DACH2: variants seen among roughly 807,000 people sequenced by gnomAD.
DACH2 encodes the protein dachshund family transcription factor 2, also known as dachshund homolog 2.
A neutral mutation model predicts 35.8 loss-of-function variants in DACH2; 17 were observed. The ratio of observed to expected loss-of-function variants is 0.48; its 90% CI spans 0.33 to 0.71. The LOEUF (loss-of-function observed/expected upper bound fraction) is 0.71, where lower values mean the gene tolerates loss of function less well. DACH2 is among the 30% of genes least tolerant of loss of function. The pLI is 0.02. For synonymous variants in DACH2, 195 were observed against 177.3 expected (o/e 1.10, Z -0.79); for missense variants, 469 against 472.7 (o/e 0.99, Z 0.07).
At chrX:86,742,663 G>A (rs1175701800) in intron 7 of DACH2, 2 of 302,409 alleles carry the variant, frequency 6.6e-6, no homozygotes, top group African/African-American at 5.5e-5. Flanking sequence ...CAACAATAGA[G>A]AGGAACTTAT....
intron 3 of DACH2, among the ~76,000 whole-genome samples, chrX:86,535,190 C>A (rs1307430475): frequency 9.0e-6 from 1 of 111,358 alleles, no homozygotes; most frequent in Non-Finnish European, 1.9e-5. Flanking sequence ...TCATTCAACT[C>A]ATCCATTTAG....
chrX:86,801,798 A>G (rs1411061367), intron 7 of DACH2, among the ~76,000 whole-genome samples: 11 of 112,333 alleles, frequency 9.8e-5, no homozygotes, highest in African/African-American at 3.6e-4. Context: ...TTTCTTGGAT[A>G]CAAGTAAATT....
At chrX:86,769,282 C>T (rs1157692233) in intron 7 of DACH2, among the ~76,000 whole-genome samples, 1 of 111,651 alleles carries the variant, frequency 9.0e-6, no homozygotes, top group East Asian at 2.8e-4. Context: ...TGAGAGAAAT[C>T]GTGGATGACA....
intron 1 of DACH2, among the ~76,000 whole-genome samples, chrX:86,243,526 C>T (rs1441319765): frequency 9.0e-6 from 1 of 111,184 alleles, no homozygotes; most frequent in Non-Finnish European, 1.9e-5. Context: ...TGGTCATTAC[C>T]TGTGTAAGAG....
intron 1 of DACH2, among the ~76,000 whole-genome samples, chrX:86,189,525 A>G: frequency 8.9e-6 from 1 of 111,821 alleles, no homozygotes; most frequent in Non-Finnish European, 1.9e-5. Flanking sequence ...ATGGTGCTAT[A>G]ATAGCCTCAG....
At chrX:86,616,214 A>G (rs1448279143) in intron 3 of DACH2, among the ~76,000 whole-genome samples, 2 of 111,849 alleles carry the variant, frequency 1.8e-5, no homozygotes, top group African/African-American at 6.5e-5. Context: ...GTTATTGTGA[A>G]TAATGCTGTA....
At chrX:86,197,417 C>T (rs1035998860) in intron 1 of DACH2, among the ~76,000 whole-genome samples, 1 of 111,360 alleles carries the variant, frequency 9.0e-6, no homozygotes, top group Non-Finnish European at 1.9e-5. Context: ...TGAATACCAA[C>T]CTTGAATGTA....
intron 6 of DACH2, among the ~76,000 whole-genome samples, chrX:86,725,170 ATC>A (rs1259305139): frequency 9.0e-6 from 1 of 111,186 alleles, no homozygotes. Context: ...TGAATATTTT[ATC>A]TGTCATTCAG....
intron 1 of DACH2, among the ~76,000 whole-genome samples, chrX:86,291,143 C>T (rs964420482): frequency 9.4e-6 from 1 of 106,829 alleles, no homozygotes; most frequent in African/African-American, 3.5e-5. Context: ...CCTTCACATC[C>T]CTTGTATGTT....
chrX:86,304,071 C>A (rs1231004120), intron 1 of DACH2, among the ~76,000 whole-genome samples: 1 of 111,771 alleles, frequency 8.9e-6, no homozygotes, highest in African/African-American at 3.3e-5. Flanking sequence ...CCAGATAAAT[C>A]CATGCATTTA....
chrX:86,242,326 G>A (rs1207204270), intron 1 of DACH2, among the ~76,000 whole-genome samples: 2 of 112,301 alleles, frequency 1.8e-5, no homozygotes, highest in Non-Finnish European at 3.8e-5. Flanking sequence ...AGGAGTCAAA[G>A]GAGATTATTT....
chrX:86,681,024 G>A (rs1410245341), intron 4 of DACH2, among the ~76,000 whole-genome samples: 1 of 110,293 alleles, frequency 9.1e-6, no homozygotes, highest in African/African-American at 3.3e-5. Flanking sequence ...ATCTATATAT[G>A]TATCTATGTA....
chrX:86,323,409 C>A (rs1602403170), intron 1 of DACH2, among the ~76,000 whole-genome samples: 1 of 111,725 alleles, frequency 9.0e-6, no homozygotes. Context: ...AACATGAAAT[C>A]CCCCTGTCTG....
At chrX:86,316,857 C>A (rs185356063) in intron 1 of DACH2, among the ~76,000 whole-genome samples, 3 of 111,269 alleles carry the variant, frequency 2.7e-5, no homozygotes, top group Non-Finnish European at 5.7e-5. Context: ...CGGTGCCTCA[C>A]GCCTGTAATC....
intron 2 of DACH2, among the ~76,000 whole-genome samples, chrX:86,423,500 C>T (rs946906920): frequency 9.3e-5 from 10 of 107,180 alleles, no homozygotes; most frequent in African/African-American, 3.3e-4. Context: ...ACCTTTGGCC[C>T]TTTTTAAATC....
At position 86,435,590 on chromosome X, in the gene DACH2, T is replaced by C. The variant is rs183315323; in HGVS notation, c.527+58728T>C. Among the ~76,000 whole-genome samples, 440 of 112,250 alleles carry C rather than the reference T, an allele frequency of 3.9e-3. 3 individuals are homozygous for C. Among genetic ancestry groups the C allele is most frequent in the African/African-American group, 0.013 (416 of 30,938 alleles). On this transcript the variant is annotated intron_variant, in intron 2 of 11. Transcript: ENST00000373125. Reference sequence around the variant, plus strand: ...AAAAAAATTTCCCAACTGCCTGTTTTTGCTTTGGAATGTCCACATCGATAC... The same window carrying C: ...AAAAAAATTTCCCAACTGCCTGTTTCTGCTTTGGAATGTCCACATCGATAC...
chrX:86,627,594 T>C (rs2040153428), intron 3 of DACH2, among the ~76,000 whole-genome samples: 1 of 111,884 alleles, frequency 8.9e-6, no homozygotes, highest in Non-Finnish European at 1.9e-5. Context: ...CTCTTAAAAG[T>C]GGTAGATTAT....
chrX:86,276,229 C>A (rs2033913771), intron 1 of DACH2, among the ~76,000 whole-genome samples: 1 of 112,021 alleles, frequency 8.9e-6, no homozygotes, highest in Non-Finnish European at 1.9e-5. Flanking sequence ...GCCATTTGAA[C>A]TAGGGTGAGA....
At chrX:86,213,194 G>C (rs941503725) in intron 1 of DACH2, among the ~76,000 whole-genome samples, 12 of 111,179 alleles carry the variant, frequency 1.1e-4, no homozygotes, top group African/African-American at 3.6e-4. Flanking sequence ...ATAATCAAGG[G>C]GCCAAGGCTA....
Sources: allele counts gnomAD v4.1 joint callset (sites outside exome capture counted in the v4.1 genomes callset), GRCh38; gene constraint gnomAD v4.1.1; transcripts MANE v1.5; gene names NCBI Gene and HGNC (gene_info 2026-07-23, HGNC 2026-07-21).